The following MARCHF3 variants were observed in gnomAD, a reference collection of about 807,000 sequenced individuals.
MARCHF3 encodes membrane associated ring-CH-type finger 3.
In MARCHF3, 13 loss-of-function variants were observed where a neutral mutation model predicts 24.2. That is an observed-to-expected ratio of 0.54 (90% confidence interval 0.35 to 0.85). The LOEUF (loss-of-function observed/expected upper bound fraction) is 0.85. MARCHF3 is among the 40% of genes least tolerant of loss of function. The probability of loss-of-function intolerance (pLI) is 0.01; values close to 1 mark genes in which losing one functional copy is unlikely to be tolerated. For synonymous variants in MARCHF3, 144 were observed against 137.3 expected (o/e 1.05, Z -0.34); for missense variants, 276 against 325.0 (o/e 0.85, Z 1.16).
chr5:126,969,068 C>T (rs1750908984), intron 1 of MARCHF3, among the ~76,000 whole-genome samples: 1 of 152,124 alleles, frequency 6.6e-6, no homozygotes, highest in Non-Finnish European at 1.5e-5. Flanking sequence ...GAAACCATTG[C>T]CTAATCCAAG....
chr5:127,005,501 T>C (rs1304929817), intron 1 of MARCHF3, among the ~76,000 whole-genome samples: 1 of 152,104 alleles, frequency 6.6e-6, no homozygotes, highest in East Asian at 1.9e-4. Context: ...CACAACTCCT[T>C]AGGGCATTCA....
intron 3 of MARCHF3, among the ~76,000 whole-genome samples, chr5:126,882,884 A>G (rs1335639033): frequency 1.3e-5 from 2 of 152,232 alleles, no homozygotes; most frequent in Non-Finnish European, 2.9e-5. Flanking sequence ...AATGAGACAC[A>G]GAGAATTTAA....
intron 1 of MARCHF3, among the ~76,000 whole-genome samples, chr5:127,019,322 T>C (rs1752723865): frequency 6.6e-6 from 1 of 152,182 alleles, no homozygotes; most frequent in African/African-American, 2.4e-5. Flanking sequence ...TGCCAACATC[T>C]ACCCCCCTAC....
chr5:126,895,999 G>A (rs911087102), intron 3 of MARCHF3, among the ~76,000 whole-genome samples: 8 of 152,164 alleles, frequency 5.3e-5, no homozygotes, highest in African/African-American at 1.7e-4. Flanking sequence ...GCCAGGTGCG[G>A]GATATAATCT....
chr5:126,951,775 G>A (rs936777465), intron 1 of MARCHF3, among the ~76,000 whole-genome samples: 10 of 152,190 alleles, frequency 6.6e-5, no homozygotes, highest in African/African-American at 2.2e-4. Flanking sequence ...CTGTCTGTAA[G>A]GCACTGACCT....
intron 3 of MARCHF3, among the ~76,000 whole-genome samples, chr5:126,902,866 A>G (rs1022205821): frequency 8.5e-5 from 13 of 152,056 alleles, no homozygotes; most frequent in African/African-American, 3.1e-4. Flanking sequence ...GGCACAAAGT[A>G]TGGTTCCACG....
At chr5:126,916,692 G>C (rs12652640) in intron 2 of MARCHF3, among the ~76,000 whole-genome samples, 10,251 of 130,216 alleles carry the variant, frequency 0.079, 917 homozygotes, top group African/African-American at 0.22. Context: ...CAGACAGACA[G>C]ACACACACAC....
intron 1 of MARCHF3, among the ~76,000 whole-genome samples, chr5:127,022,761 G>T (rs1752849728): frequency 6.6e-6 from 1 of 152,090 alleles, no homozygotes; most frequent in African/African-American, 2.4e-5. Context: ...CCTAATCTGG[G>T]GTTGCTCATC....
In MARCHF3 at chr5:126,870,631, C is replaced by T. The variant is rs762784447; in HGVS notation, c.*2G>A. 1 of 1,613,814 alleles carries T rather than the reference C, an allele frequency of 6.2e-7. No individual in the cohort carries two copies. Among genetic ancestry groups the T allele is most frequent in the Non-Finnish European group, 8.5e-7 (1 of 1,179,892 alleles). Reference sequence around the variant, plus strand: ...TCAAACAACCAACCAACCATACAAACATCAAACAACTGTCTCCTTTGAGTT... The same window carrying T: ...TCAAACAACCAACCAACCATACAAATATCAAACAACTGTCTCCTTTGAGTT... On this transcript the variant is annotated 3_prime_UTR_variant, in exon 5 of 5. Coordinates refer to ENST00000308660, the MANE Select transcript of MARCHF3 (RefSeq NM_178450.5).
chr5:126,963,336 T>A (rs1328663789), intron 1 of MARCHF3, among the ~76,000 whole-genome samples: 1 of 152,180 alleles, frequency 6.6e-6, no homozygotes, highest in Non-Finnish European at 1.5e-5. Context: ...AGAGTAATTA[T>A]ACATCATGTT....
intron 1 of MARCHF3, among the ~76,000 whole-genome samples, chr5:126,923,715 T>C (rs1749202687): frequency 6.6e-6 from 1 of 152,236 alleles, no homozygotes; most frequent in African/African-American, 2.4e-5. Context: ...GCTATACCTA[T>C]AGTCAGAAAT....
intron 1 of MARCHF3, among the ~76,000 whole-genome samples, chr5:127,000,482 C>T (rs893877656): frequency 1.3e-5 from 2 of 152,128 alleles, no homozygotes; most frequent in Non-Finnish European, 2.9e-5. Context: ...AGTACCAAGT[C>T]ACCCCAAAGG....
intron 3 of MARCHF3, among the ~76,000 whole-genome samples, chr5:126,914,126 G>A (rs965469408): frequency 6.6e-6 from 1 of 151,736 alleles, no homozygotes; most frequent in Admixed American, 6.6e-5. Context: ...TGGGACTACA[G>A]GCACCCGCCA....
chr5:126,922,877 A>G (rs1749168867), intron 1 of MARCHF3, among the ~76,000 whole-genome samples: 1 of 151,990 alleles, frequency 6.6e-6, no homozygotes, highest in Admixed American at 6.6e-5. Flanking sequence ...GTCTTTCCTC[A>G]TGTCTGGTCA....
At chr5:126,915,260 A>G in intron 2 of MARCHF3, 126 bp from the exon 3 acceptor site, 1 of 861,984 alleles carries the variant, frequency 1.2e-6, no homozygotes, top group Non-Finnish European at 1.8e-6. Flanking sequence ...TTAGATCTAC[A>G]CTTGACCTTG....
chr5:126,995,270 T>TA (rs1011400845), intron 1 of MARCHF3, among the ~76,000 whole-genome samples: 6 of 152,332 alleles, frequency 3.9e-5, no homozygotes, highest in Admixed American at 2.0e-4. Context: ...CACTAATACG[T>TA]AAATCAATTG....
chr5:126,930,401 C>G (rs1749442613), intron 1 of MARCHF3, among the ~76,000 whole-genome samples: 1 of 152,240 alleles, frequency 6.6e-6, no homozygotes, highest in African/African-American at 2.4e-5. Context: ...TATTGCTGCA[C>G]AGATCACTTG....
intron 1 of MARCHF3, among the ~76,000 whole-genome samples, chr5:126,919,649 AG>A (rs1749032778): frequency 6.6e-6 from 1 of 152,212 alleles, no homozygotes; most frequent in Non-Finnish European, 1.5e-5. Context: ...GCAAGAATGC[AG>A]TGTTTCCTGA....
chr5:126,920,912 C>A (rs1209336476), intron 1 of MARCHF3, among the ~76,000 whole-genome samples: 1 of 151,948 alleles, frequency 6.6e-6, no homozygotes, highest in African/African-American at 2.4e-5. Flanking sequence ...TTATTTGCCA[C>A]CTGATCAGTT....
Sources: gnomAD v4.1 joint callset for allele counts (sites outside exome capture counted in the v4.1 genomes callset) on GRCh38, gnomAD v4.1.1 for gene constraint, MANE v1.5 for transcripts, NCBI Gene and HGNC (gene_info 2026-07-23, HGNC 2026-07-21) for gene names.